Variants in FRMPD3 observed in about 807,000 individuals in gnomAD.
FRMPD3 encodes the protein FERM and PDZ domain containing 3.
FRMPD3 carries 42 observed loss-of-function variants against 97.9 expected under a neutral mutation model. That is an observed-to-expected ratio of 0.43 (90% CI 0.34 to 0.55). The LOEUF is 0.55. Among genes scored for constraint, FRMPD3 ranks in the 20% least tolerant of loss-of-function variants. FRMPD3 has a pLI of 0.03. For missense variants in FRMPD3, 1,303 were observed against 1,457.7 expected (o/e 0.89, Z 1.73); for synonymous variants, 577 against 581.1 (o/e 0.99, Z 0.10).
chrX:107,600,874 C>A lies in FRMPD3; in HGVS notation c.2835C>A (p.Leu945=). The A allele has an allele frequency of 8.3e-7, 1 of 1,209,554 alleles. No homozygotes were observed. The highest frequency in any genetic ancestry group is 1.1e-6 in the Non-Finnish European group (1 of 894,836). The change falls in exon 15 of 15, where the codon CTC becomes CTA. Residue 945 remains leucine (L), a synonymous_variant. Transcript: ENST00000683843. ...KEVRLSPKLI[L]DPKSSVTPAI... is the part of the protein sequence containing the mutation. ...TCAGGTTGAGCCCCAAGCTTATCCT[C>A]GACCCAAAGAGCAGTGTGACCCCTG...
At chrX:107,455,249 CCTCCGT>C (rs974913254) in intron 1 of FRMPD3, among the ~76,000 whole-genome samples, 2 of 111,996 alleles carry the variant, frequency 1.8e-5, no homozygotes, top group African/African-American at 6.5e-5. Flanking sequence ...CCTCTCAACT[CCTCCGT>C]CTCTAAAATA....
At position 107,600,313 on chromosome X, in the gene FRMPD3, G is replaced by C. The variant is rs372062988; in HGVS notation, c.2274G>C (p.Val758=). Residue 758 remains valine (V), a synonymous_variant, in exon 15 of 15, where the codon GTG becomes GTC. Coordinates refer to ENST00000683843, the MANE Select transcript of FRMPD3 (RefSeq NM_001388459.1). ...TCCCTGTTCCTCCAGGTCTGATTGT[G>C]CTGGCCACAATCACTCCTGAATCAT... The part of the protein sequence containing the change: ...PPPPQTAGLI[V]LATITPESSL... 9 of 1,202,112 alleles carry C rather than the reference G, an allele frequency of 7.5e-6. No homozygotes were observed. In the East Asian group the frequency reaches 2.1e-4, roughly 28 times the overall value.
intron 1 of FRMPD3, among the ~76,000 whole-genome samples, chrX:107,473,523 A>G (rs937952625): frequency 6.2e-5 from 7 of 112,231 alleles, no homozygotes; most frequent in Non-Finnish European, 9.4e-5. Context: ...GCCAGAGTTT[A>G]GCTACAAAGG....
chrX:107,578,161 G>A (rs775627562), intron 13 of FRMPD3, among the ~76,000 whole-genome samples: 1 of 112,162 alleles, frequency 8.9e-6, no homozygotes, highest in South Asian at 3.7e-4. Flanking sequence ...GAAAAGGGAA[G>A]ATAAAGTGAA....
At chrX:107,514,488 G>T (rs1922252360) in intron 1 of FRMPD3, among the ~76,000 whole-genome samples, 1 of 109,216 alleles carries the variant, frequency 9.2e-6, no homozygotes, top group Non-Finnish European at 1.9e-5. Context: ...GAGCGAGCTT[G>T]TCGGATCCCG....
chrX:107,575,474 G>C (rs1017500472), intron 12 of FRMPD3, among the ~76,000 whole-genome samples: 1 of 106,648 alleles, frequency 9.4e-6, no homozygotes, highest in African/African-American at 3.4e-5. Flanking sequence ...TTTTTTAGAC[G>C]AAGTCTCACT....
chrX:107,472,845 T>C (rs950668761), intron 1 of FRMPD3, among the ~76,000 whole-genome samples: 2 of 112,564 alleles, frequency 1.8e-5, no homozygotes, highest in Non-Finnish European at 3.7e-5. Flanking sequence ...AGCACCTCCA[T>C]TTCTTCCTCT....
At chrX:107,563,267 G>T in intron 11 of FRMPD3, 67 bp downstream of exon 11, 1 of 845,915 alleles carries the variant, frequency 1.2e-6, no homozygotes, top group Non-Finnish European at 1.7e-6. Flanking sequence ...TTGGGTGTGG[G>T]GGCAGGAGGG....
intron 5 of FRMPD3, among the ~76,000 whole-genome samples, chrX:107,548,211 T>C (rs997008530): frequency 9.8e-5 from 11 of 112,656 alleles, no homozygotes; most frequent in Admixed American, 7.5e-4. Flanking sequence ...TAGGAAACTT[T>C]AGCCATCTTA....
chrX:107,573,483 T>C (rs759206905), intron 12 of FRMPD3, among the ~76,000 whole-genome samples: 6 of 111,993 alleles, frequency 5.4e-5, no homozygotes, highest in Non-Finnish European at 1.1e-4. Flanking sequence ...TTTTGTTGTA[T>C]GCAAGTTTGG....
At chrX:107,508,797 T>G (rs1212695568) in intron 1 of FRMPD3, among the ~76,000 whole-genome samples, 2 of 111,459 alleles carry the variant, frequency 1.8e-5, no homozygotes, top group Non-Finnish European at 3.8e-5. Flanking sequence ...CTGCATGGAT[T>G]TGGGTTTTGT....
chrX:107,502,089 T>C (rs1034911413), intron 1 of FRMPD3, among the ~76,000 whole-genome samples: 2 of 110,593 alleles, frequency 1.8e-5, no homozygotes, highest in African/African-American at 6.6e-5. Context: ...GAAAAGGCCA[T>C]GCACGTTAAC....
Position 107,601,623 on chromosome X carries a change from A to T in FRMPD3, c.3584A>T (p.Asn1195Ile), listed in dbSNP as rs747659311. The change falls in exon 15 of 15, where the codon AAT becomes ATT. Residue 1195 changes from asparagine (N) to isoleucine (I), a missense_variant. Asn to Ile is a moderately radical substitution (Grantham distance 149). This residue lies in a region of FRMPD3 where 764 missense variants were observed against 820.2 expected (regional missense o/e 0.93). Transcript: ENST00000683843. Reference sequence around the variant, plus strand: ...TCTAGGAAGCTTGAAACAACTCTCAATGGAGCCCACTCGACCTCTGAAGGC... The same window carrying T: ...TCTAGGAAGCTTGAAACAACTCTCATTGGAGCCCACTCGACCTCTGAAGGC... ...MPSRKLETTL[N>I]GAHSTSEGPA... The T allele has an allele frequency of 1.7e-6, 2 of 1,210,187 alleles. No individual in the cohort carries two copies. Among genetic ancestry groups the T allele is most frequent in the Non-Finnish European group, 2.2e-6 (2 of 895,143 alleles).
chrX:107,507,798 T>A (rs1922071624), intron 1 of FRMPD3, among the ~76,000 whole-genome samples: 1 of 112,503 alleles, frequency 8.9e-6, no homozygotes, highest in Non-Finnish European at 1.9e-5. Context: ...ACTCAGTCCC[T>A]TCTCAGAGAA....
At chrX:107,528,676 G>T (rs1334521425) in intron 2 of FRMPD3, among the ~76,000 whole-genome samples, 2 of 112,637 alleles carry the variant, frequency 1.8e-5, no homozygotes, top group Non-Finnish European at 3.8e-5. Context: ...CCATTTTATA[G>T]ATGAGGTAAG....
intron 1 of FRMPD3, among the ~76,000 whole-genome samples, chrX:107,506,583 G>A (rs901541809): frequency 8.9e-5 from 10 of 112,695 alleles, no homozygotes; most frequent in South Asian, 7.3e-4. Context: ...CACTTAGTAA[G>A]TAAGCAAGTG....
chrX:107,575,090 C>T (rs1257274423), intron 12 of FRMPD3, among the ~76,000 whole-genome samples: 4 of 112,245 alleles, frequency 3.6e-5, no homozygotes, highest in Non-Finnish European at 7.5e-5. Context: ...AGCAGTTAAC[C>T]AGTTAACCCC....
rs142189558 is a variant in FRMPD3, at chrX:107,528,236, C to T, written c.148+1500C>T. ...CCAGGTGGCTCCTGAATGCACAGGACTTGTTTGGTTCTTTATTTGAGGCCG... is the reference window on the plus strand; with the variant it reads ...CCAGGTGGCTCCTGAATGCACAGGATTTGTTTGGTTCTTTATTTGAGGCCG... On this transcript the variant is annotated intron_variant, in intron 2 of 14. Transcript: ENST00000683843. Among the ~76,000 whole-genome samples, 10 of 111,929 alleles carry T rather than the reference C, an allele frequency of 8.9e-5. No homozygotes were observed. In the East Asian group the frequency reaches 2.8e-3, roughly 32 times the overall value.
chrX:107,549,357 G>A (rs972828259), intron 5 of FRMPD3, among the ~76,000 whole-genome samples: 7 of 111,625 alleles, frequency 6.3e-5, no homozygotes, highest in African/African-American at 2.3e-4. Flanking sequence ...GAAAATGTCT[G>A]AGGGTGTTTC....
Sources: gnomAD v4.1 joint callset for allele counts (sites outside exome capture counted in the v4.1 genomes callset) on GRCh38, gnomAD v4.1.1 for gene constraint, gnomAD v4.1.1 regional missense constraint, MANE v1.5 for transcripts, NCBI Gene and HGNC (gene_info 2026-07-23, HGNC 2026-07-21) for gene names.